WNT9B: variants seen among roughly 807,000 people sequenced by gnomAD.
The protein encoded by WNT9B is Wnt family member 9B.
In WNT9B, 12 loss-of-function variants were observed where a neutral mutation model predicts 30.2. The ratio of observed to expected loss-of-function variants is 0.40; its 90% CI spans 0.26 to 0.64. WNT9B has a LOEUF of 0.64. Ranked by LOEUF, WNT9B falls within the 30% of genes least tolerant of loss-of-function variation. The pLI, the probability that WNT9B is intolerant of heterozygous loss-of-function variation, is 0.42. For synonymous variants in WNT9B, 218 were observed against 216.9 expected, an observed-to-expected ratio of 1.01 and a Z score of -0.05; for missense variants, 442 against 485.2, an observed-to-expected ratio of 0.91 and a Z score of 0.84.
chr17:46,862,456 G>A (rs1598850139), intron 1 of WNT9B, among the ~76,000 whole-genome samples: 1 of 152,098 alleles, frequency 6.6e-6, no homozygotes, highest in Non-Finnish European at 1.5e-5. Flanking sequence ...CACCACAATT[G>A]TTAAAAAAAC....
Position 46,877,593 on chromosome 17 carries a change from G to T in WNT9B, c.*875G>T, listed in dbSNP as rs969571007. Among the ~76,000 whole-genome samples the T allele has an allele frequency of 1.3e-5, 2 of 152,142 alleles. No homozygotes were observed. The highest frequency in any genetic ancestry group is 2.9e-5 in the Non-Finnish European group (2 of 68,024). On this transcript the variant is annotated 3_prime_UTR_variant, in exon 4 of 4. Coordinates refer to ENST00000290015, the MANE Select transcript of WNT9B (RefSeq NM_003396.3). ...GGCCAAAGGAATCTTCACTCCCAGC[G>T]CAGAGGAGGAGGGCAACAGCTTCCT...
At chr17:46,873,165 C>T (rs926475068) in intron 2 of WNT9B, among the ~76,000 whole-genome samples, 23 of 151,780 alleles carry the variant, frequency 1.5e-4, no homozygotes, top group Non-Finnish European at 2.5e-4. Context: ...TGAGGATGGG[C>T]GGCAGCTGAT....
exon 1 of WNT9B, chr17:46,833,368 T>C (rs2146506838): frequency 1.9e-6 from 1 of 518,682 alleles, no homozygotes; most frequent in Non-Finnish European, 3.8e-6. Context: ...GCAGTTTCTT[T>C]TGATCCTCTG....
Position 46,859,908 on chromosome 17 carries a change from A to T in WNT9B, c.77+8193A>T, listed in dbSNP as rs534544208. Among the ~76,000 whole-genome samples the T allele has an allele frequency of 5.3e-5, 8 of 152,300 alleles. No individual in the cohort carries two copies. In the South Asian group the frequency reaches 1.5e-3, roughly 28 times the overall value. Reference sequence around the variant, plus strand: ...TTCAGTGTGCAGGCATTGAAAATTTAAAAAAAGAAATTCTTCCAATGTGCT... The same window carrying T: ...TTCAGTGTGCAGGCATTGAAAATTTTAAAAAAGAAATTCTTCCAATGTGCT... On this transcript the variant is annotated intron_variant, in intron 1 of 3. Coordinates refer to ENST00000290015, the MANE Select transcript of WNT9B (RefSeq NM_003396.3).
At chr17:46,869,299 G>A (rs1425600823) in intron 1 of WNT9B, among the ~76,000 whole-genome samples, 2 of 152,190 alleles carry the variant, frequency 1.3e-5, no homozygotes, top group African/African-American at 4.8e-5. Context: ...TGCCTCTGGG[G>A]TGGGGCCTGA....
At chr17:46,883,758 G>A (rs558171233), downstream of WNT9B, among the ~76,000 whole-genome samples, 3 of 152,292 alleles carry the variant, frequency 2.0e-5, no homozygotes, top group Admixed American at 1.3e-4. Flanking sequence ...GATTCAGGGC[G>A]ACTGGTGGCA....
At chr17:46,848,945 C>CACACACAT (rs2084807709), upstream of WNT9B, among the ~76,000 whole-genome samples, 3 of 152,154 alleles carry the variant, frequency 2.0e-5, no homozygotes, top group Non-Finnish European at 4.4e-5. Flanking sequence ...CACACACACA[C>CACACACAT]ACACAGAGCT....
intron 1 of WNT9B, among the ~76,000 whole-genome samples, chr17:46,845,485 ATTTT>A (rs34586359): frequency 5.9e-4 from 72 of 121,378 alleles, no homozygotes; most frequent in African/African-American, 2.2e-3. Context: ...AGTTATCTGA[ATTTT>A]TTTTTTTTTT....
chr17:46,874,630 T>G (rs918676508), intron 2 of WNT9B, among the ~76,000 whole-genome samples: 1 of 152,072 alleles, frequency 6.6e-6, no homozygotes, highest in East Asian at 1.9e-4. Flanking sequence ...CAGGCTGGAG[T>G]GCAATGGCGC....
chr17:46,842,456 C>G (rs902004450), intron 1 of WNT9B, among the ~76,000 whole-genome samples: 3 of 152,170 alleles, frequency 2.0e-5, no homozygotes, highest in Non-Finnish European at 4.4e-5. Flanking sequence ...CTCACTGCAG[C>G]CTCAAACTCC....
intron 1 of WNT9B, among the ~76,000 whole-genome samples, chr17:46,869,125 C>T (rs961916945): frequency 1.3e-5 from 2 of 152,210 alleles, no homozygotes; most frequent in Non-Finnish European, 2.9e-5. Flanking sequence ...CAGCCCTGGG[C>T]AGACCAGGGC....
At position 46,875,344 on chromosome 17, in the gene WNT9B, A is replaced by G. The variant is rs1419261201; in HGVS notation, c.578A>G (p.His193Arg). Residue 193 changes from histidine to arginine, a missense_variant, in exon 3 of 4, where the codon CAC becomes CGC. Coordinates refer to ENST00000290015, the MANE Select transcript of WNT9B (RefSeq NM_003396.3). ...NKDLRARADAHNTHVGIKAVK... is the reference protein window; with the variant it reads ...NKDLRARADARNTHVGIKAVK... The stretch of plus-strand genomic sequence containing the variant: ...GACCTGCGGGCACGGGCAGACGCCC[A>G]CAATACCCACGTGGGCATCAAGGTG... 6.2e-7 allele frequency: 1 copy of G among 1,609,204 alleles called. No individual in the cohort carries two copies. The highest frequency in any genetic ancestry group is 8.5e-7 in the Non-Finnish European group (1 of 1,176,660).
chr17:46,858,594 C>T (rs1458741941), intron 1 of WNT9B, among the ~76,000 whole-genome samples: 1 of 152,060 alleles, frequency 6.6e-6, no homozygotes, highest in Non-Finnish European at 1.5e-5. Flanking sequence ...GTGATAAAAA[C>T]ATAATAACTA....
At position 46,876,424 on chromosome 17, in the gene WNT9B, G is replaced by T; in HGVS notation, c.780G>T (p.Glu260Asp). The T allele has an allele frequency of 6.2e-7, 1 of 1,613,792 alleles. No individual in the cohort carries two copies. The highest frequency in any genetic ancestry group is 8.5e-7 in the Non-Finnish European group (1 of 1,180,026). The change falls in exon 4 of 4, where the codon GAG becomes GAT. Residue 260 changes from glutamate to aspartate, a missense_variant. Transcript: ENST00000290015. ...SATNEALGRL[E>D]LWAPARQGSL... ...CCAATGAGGCCTTGGGCCGCCTAGA[G>T]CTGTGGGCCCCTGCCAGGCAGGGCA...
downstream of WNT9B, among the ~76,000 whole-genome samples, chr17:46,882,170 T>C: frequency 6.6e-6 from 1 of 152,124 alleles, no homozygotes; most frequent in East Asian, 1.9e-4. Context: ...AAATTAAAAT[T>C]AAAAAATTTT....
At chr17:46,834,264 C>T (rs371504885) in intron 1 of WNT9B, among the ~76,000 whole-genome samples, 4 of 152,284 alleles carry the variant, frequency 2.6e-5, no homozygotes, top group African/African-American at 4.8e-5. Flanking sequence ...ACCAAAACGA[C>T]GGATTTGCCA....
chr17:46,880,890 G>A (rs2085413743), downstream of WNT9B, among the ~76,000 whole-genome samples: 1 of 152,210 alleles, frequency 6.6e-6, no homozygotes, highest in South Asian at 2.1e-4. Context: ...CATTTCTGGA[G>A]CCCTCATGCT....
chr17:46,859,477 C>T (rs1482989185), intron 1 of WNT9B, among the ~76,000 whole-genome samples: 1 of 152,222 alleles, frequency 6.6e-6, no homozygotes, highest in Non-Finnish European at 1.5e-5. Flanking sequence ...TCTGGACACT[C>T]TACTCTGTTT....
chr17:46,835,026 G>A (rs2084609655), intron 1 of WNT9B, among the ~76,000 whole-genome samples: 2 of 151,918 alleles, frequency 1.3e-5, no homozygotes, highest in South Asian at 2.1e-4. Context: ...ACAGGATCTC[G>A]CTCTGTTGTC....
Sources: gnomAD v4.1 joint callset for allele counts (sites outside exome capture counted in the v4.1 genomes callset) on GRCh38, gnomAD v4.1.1 for gene constraint, MANE v1.5 for transcripts, NCBI Gene and HGNC (gene_info 2026-07-23, HGNC 2026-07-21) for gene names.